Variants in ZBTB11 observed in about 807,000 individuals in gnomAD.
ZBTB11 encodes zinc finger and BTB domain-containing protein 11.
ZBTB11 carries 68 observed loss-of-function variants against 113.1 expected under a neutral mutation model. The observed-to-expected ratio is 0.60, with a 90% CI of 0.49 to 0.74. The LOEUF is 0.74. Ranked by LOEUF, ZBTB11 falls within the 30% of genes least tolerant of loss-of-function variation. The probability of loss-of-function intolerance (pLI) is 0.00; values close to 1 mark genes in which losing one functional copy is unlikely to be tolerated. For missense variants in ZBTB11, 1,104 were observed against 1,279.4 expected, an observed-to-expected ratio of 0.86 and a Z score of 2.09; for synonymous variants, 518 against 452.6, an observed-to-expected ratio of 1.14 and a Z score of -1.83.
rs35687057 is a variant in ZBTB11 at position 101,668,141 on chromosome 3, T to TAA, written c.779-2335_779-2334dup. On this transcript the variant is annotated intron_variant, in intron 3 of 10. Coordinates refer to ENST00000312938, the MANE Select transcript of ZBTB11 (RefSeq NM_014415.4). ...AATGTCCTCACTCATATGGGGGAGC[T>TAA]AAAAAAAAAAAACTTAGATCATACA... 4.5e-3 allele frequency among the ~76,000 whole-genome samples: 663 copies of TAA among 146,710 alleles called. 5 individuals carry two copies. The highest frequency in any genetic ancestry group is 5.0e-3 in the Non-Finnish European group (332 of 66,826).
chr3:101,663,088 C>T (rs1324323645), intron 5 of ZBTB11, among the ~76,000 whole-genome samples: 1 of 151,988 alleles, frequency 6.6e-6, no homozygotes, highest in South Asian at 2.1e-4. Flanking sequence ...TACAGGTGCT[C>T]GCCACCATGC....
At position 101,664,552 on chromosome 3, in the gene ZBTB11, C is replaced by G; in HGVS notation, c.1786G>C (p.Asp596His). Residue 596 changes from aspartate to histidine, a missense_variant, in exon 5 of 11, where the codon GAT becomes CAT. Asp to His is a moderately conservative substitution (Grantham distance 81). Around this residue, in one of 5 missense-constraint regions of ZBTB11, gnomAD observed 535 missense variants for 518.6 expected, o/e 1.03. Coordinates refer to ENST00000312938, the MANE Select transcript of ZBTB11 (RefSeq NM_014415.4). Reference sequence around the variant, plus strand: ...CAAATACTTACTGGACATTTGTAATCTCTAGCTCTTTCATGTTTCAGTTTG... The same window carrying G: ...CAAATACTTACTGGACATTTGTAATGTCTAGCTCTTTCATGTTTCAGTTTG... ...MHKLKHERAR[D>H]YKCPLCKKQF... 3.7e-6 allele frequency: 6 copies of G among 1,604,976 alleles called. No homozygotes were observed. The highest frequency in any genetic ancestry group is 4.2e-6 in the Non-Finnish European group (5 of 1,177,706).
Position 101,676,669 on chromosome 3 carries a change from G to A in ZBTB11, c.246C>T (p.Pro82=), listed in dbSNP as rs1937180848. The part of the protein sequence containing the change: ...RDLIEAAHLG[P]GGTHHTRHQT... ...GATGCCGGGTGTGGTGAGTGCCGCC[G>A]GGACCCAGGTGCGCCGCCTCGATGA... is the stretch of plus-strand genomic sequence containing the variant. The change falls in exon 1 of 11, where the codon CCC becomes CCT. Residue 82 remains proline, a synonymous_variant. Transcript: ENST00000312938. 4 of 1,590,774 alleles carry A rather than the reference G, an allele frequency of 2.5e-6. No homozygotes were observed. Among genetic ancestry groups the A allele is most frequent in the East Asian group, 2.3e-5 (1 of 44,194 alleles).
chr3:101,675,781 G>A (rs538815078), intron 1 of ZBTB11, among the ~76,000 whole-genome samples: 21 of 152,332 alleles, frequency 1.4e-4, no homozygotes, highest in African/African-American at 4.8e-4. Context: ...TTAGGGGAAA[G>A]ATTATTAAAA....
intron 6 of ZBTB11, 51 bp downstream of exon 6, chr3:101,659,732 T>G (rs758917045): frequency 6.3e-7 from 1 of 1,597,132 alleles, no homozygotes; most frequent in South Asian, 1.1e-5. Context: ...TTGGCACACA[T>G]AGTTAAGTTC....
In ZBTB11 at chr3:101,665,056, A is replaced by G. The variant is rs761285289; in HGVS notation, c.1531T>C (p.Ser511Pro). 1 of 1,614,146 alleles carries G rather than the reference A, an allele frequency of 6.2e-7. No homozygotes were observed. Among genetic ancestry groups the G allele is most frequent in the Non-Finnish European group, 8.5e-7 (1 of 1,180,028 alleles). ...DTYRSRLRQRSVNEGAYIRLH... is the reference protein window; with the variant it reads ...DTYRSRLRQRPVNEGAYIRLH... The stretch of plus-strand genomic sequence containing the variant: ...CGAATATATGCCCCTTCATTAACAG[A>G]ACGTTGTCGAAGCCTGCTTCTATAA... The change falls in exon 4 of 11, where the codon TCT (serine) becomes CCT (proline). Residue 511 changes from serine (S) to proline (P), a missense_variant. Ser to Pro is a moderately conservative substitution (Grantham distance 74). Coordinates refer to ENST00000312938, the MANE Select transcript of ZBTB11 (RefSeq NM_014415.4).
chr3:101,666,900 G>A (rs1054683384), intron 3 of ZBTB11, among the ~76,000 whole-genome samples: 12 of 152,152 alleles, frequency 7.9e-5, no homozygotes, highest in African/African-American at 2.4e-4. Flanking sequence ...ACAGGCACAC[G>A]CCACCATGCC....
chr3:101,676,347 C>A, intron 1 of ZBTB11: 1 of 369,196 alleles, frequency 2.7e-6, no homozygotes, highest in Non-Finnish European at 4.8e-6. Flanking sequence ...GGCCCCTCCC[C>A]GCGGCTGGCC....
chr3:101,661,269 G>C (rs1367386338), intron 5 of ZBTB11, among the ~76,000 whole-genome samples: 1 of 151,528 alleles, frequency 6.6e-6, no homozygotes, highest in Non-Finnish European at 1.5e-5. Flanking sequence ...TATGTCCTGG[G>C]CTAACTGTTC....
In ZBTB11 at chr3:101,672,062, A is replaced by C; in HGVS notation, c.462T>G (p.Asp154Glu). ...GAGATGAAGTAAAGTTGCTCAGGTC[A>C]TCTTCCGATTCATTACTTTCTTCTC... ...ESGEESNESEDDLSNFTSSPT... is the reference protein window; with the variant it reads ...ESGEESNESEEDLSNFTSSPT... Residue 154 changes from aspartate to glutamate, a missense_variant, in exon 2 of 11, where the codon GAT (aspartate) becomes GAG (glutamate). This residue lies in a region of ZBTB11 where 245 missense variants were observed against 272.5 expected (regional missense o/e 0.90). Transcript: ENST00000312938. 6.2e-7 allele frequency: 1 copy of C among 1,614,190 alleles called. No individual in the cohort carries two copies. The highest frequency in any genetic ancestry group is 8.5e-7 in the Non-Finnish European group (1 of 1,180,018).
In ZBTB11 at chr3:101,671,146, A is replaced by C. The variant is rs1443622109; in HGVS notation, c.762T>G (p.Ala254=). ...AACCCTTACCAGAAAGATCCACCACAGCCTCATGACTGGAAACAGCTCCTT... is the reference window on the plus strand; with the variant it reads ...AACCCTTACCAGAAAGATCCACCACCGCCTCATGACTGGAAACAGCTCCTT... ...IEKGAVSSHE[A]VVDLSGFCKA... is the part of the protein sequence containing the mutation. Residue 254 remains alanine (A), a synonymous_variant, in exon 3 of 11, where the codon GCT becomes GCG. Transcript: ENST00000312938. 6.2e-7 allele frequency: 1 copy of C among 1,613,916 alleles called. No homozygotes were observed. The highest frequency in any genetic ancestry group is 1.3e-5 in the African/African-American group (1 of 74,912).
intron 5 of ZBTB11, among the ~76,000 whole-genome samples, chr3:101,663,668 A>C (rs563385966): frequency 1.4e-4 from 22 of 152,244 alleles, no homozygotes; most frequent in Non-Finnish European, 2.8e-4. Context: ...AGACAGGTGG[A>C]TCATTTGAGC....
chr3:101,668,111 T>C (rs973872087), intron 3 of ZBTB11, among the ~76,000 whole-genome samples: 1 of 148,782 alleles, frequency 6.7e-6, no homozygotes, highest in South Asian at 2.2e-4. Context: ...GAAAGATAAA[T>C]ACCAAATGTC....
chr3:101,671,227 A>G lies in ZBTB11; in HGVS notation c.681T>C (p.Ala227=), dbSNP rs780208884. Residue 227 remains alanine, a synonymous_variant, in exon 3 of 11, where the codon GCT becomes GCC. Transcript: ENST00000312938. ...TLLIEGEEYK[A]HKSVLSANSE... ...TATTTGCTGACAAAACAGATTTATG[A>G]GCTTTGTACTCTTCTCCTTCAATTA... The G allele has an allele frequency of 9.9e-6, 16 of 1,614,138 alleles. No individual in the cohort carries two copies. Among genetic ancestry groups the G allele is most frequent in the Non-Finnish European group, 1.3e-5 (15 of 1,179,982 alleles).
chr3:101,653,995 G>A (rs1338767270), intron 8 of ZBTB11, among the ~76,000 whole-genome samples: 1 of 151,894 alleles, frequency 6.6e-6, no homozygotes, highest in East Asian at 1.9e-4. Flanking sequence ...CAAAAGTGCT[G>A]GAATTACAGG....
chr3:101,669,167 G>T (rs184901192), intron 3 of ZBTB11, among the ~76,000 whole-genome samples: 1 of 152,190 alleles, frequency 6.6e-6, no homozygotes, highest in Non-Finnish European at 1.5e-5. Context: ...AAAGTAGCTG[G>T]GACTACAGGC....
At chr3:101,669,730 A>G (rs2108326415) in intron 3 of ZBTB11, among the ~76,000 whole-genome samples, 1 of 152,338 alleles carries the variant, frequency 6.6e-6, no homozygotes, top group East Asian at 1.9e-4. Context: ...TAAGCTCCAA[A>G]AAGTTTTTGC....
At chr3:101,658,933 T>C (rs1383038413) in intron 6 of ZBTB11, among the ~76,000 whole-genome samples, 1 of 152,172 alleles carries the variant, frequency 6.6e-6, no homozygotes, top group Non-Finnish European at 1.5e-5. Context: ...TCCAAAACTG[T>C]TTTTTAATAA....
chr3:101,664,201 G>C (rs1437488832), intron 5 of ZBTB11, among the ~76,000 whole-genome samples: 2 of 152,210 alleles, frequency 1.3e-5, no homozygotes, highest in African/African-American at 4.8e-5. Context: ...AAACCTGGAA[G>C]TGAACCCTTT....
Sources: gnomAD v4.1 joint callset for allele counts (sites outside exome capture counted in the v4.1 genomes callset) on GRCh38, gnomAD v4.1.1 for gene constraint, gnomAD v4.1.1 regional missense constraint, MANE v1.5 for transcripts, NCBI Gene and HGNC (gene_info 2026-07-23, HGNC 2026-07-21) for gene names.